Variants in LIN52 observed in about 807,000 individuals in gnomAD.
LIN52 encodes protein lin-52 homolog.
Under a neutral mutation model 18.5 loss-of-function variants are expected in LIN52, and 4 were observed. The ratio of observed to expected loss-of-function variants is 0.22; its 90% CI spans 0.11 to 0.49. The LOEUF is 0.49. LIN52 is among the 20% of genes least tolerant of loss of function. The pLI is 0.97. For missense variants in LIN52, 102 were observed against 139.5 expected (o/e 0.73, Z 1.35); for synonymous variants, 34 against 45.5 (o/e 0.75, Z 1.02).
At chr14:74,194,794 G>GGTGGAAA (rs2078899670) in intron 5 of LIN52, among the ~76,000 whole-genome samples, 1 of 151,972 alleles carries the variant, frequency 6.6e-6, no homozygotes. Context: ...TAGAATGGAA[G>GGTGGAAA]CGGTGTTGCC....
intron 2 of LIN52, among the ~76,000 whole-genome samples, chr14:74,094,132 T>C (rs2060792002): frequency 1.3e-5 from 2 of 152,194 alleles, no homozygotes; most frequent in African/African-American, 4.8e-5. Context: ...TTACTCCACA[T>C]GTGAACAGTT....
Position 74,169,329 on chromosome 14 carries a change from C to T in LIN52, c.284-29593C>T, listed in dbSNP as rs77202977. ...AAAATCCTTTTGTCTCTTTTCTCCTCCCTTTTTCCCAATTCCAAGAAGTAT... is the reference window on the plus strand; with the variant it reads ...AAAATCCTTTTGTCTCTTTTCTCCTTCCTTTTTCCCAATTCCAAGAAGTAT... On this transcript the variant is annotated intron_variant, in intron 5 of 5. Transcript: ENST00000555028. 2.0e-4 allele frequency among the ~76,000 whole-genome samples: 30 copies of T among 152,272 alleles called. No individual in the cohort carries two copies. The East Asian group carries it at 5.0e-3, about 25-fold the overall frequency.
intron 5 of LIN52, among the ~76,000 whole-genome samples, chr14:74,115,254 T>G (rs1286061715): frequency 1.3e-5 from 2 of 152,230 alleles, no homozygotes; most frequent in Non-Finnish European, 1.5e-5. Context: ...ATATCCTTGC[T>G]AATAACAAGT....
intron 5 of LIN52, among the ~76,000 whole-genome samples, chr14:74,166,048 T>C (rs1439590913): frequency 2.1e-5 from 3 of 144,662 alleles, no homozygotes; most frequent in African/African-American, 7.7e-5. Context: ...TGCGCCACCA[T>C]TCCCGGCTAA....
chr14:74,141,238 T>C (rs2061128870), intron 5 of LIN52, among the ~76,000 whole-genome samples: 1 of 152,166 alleles, frequency 6.6e-6, no homozygotes, highest in Non-Finnish European at 1.5e-5. Context: ...CCACGAACAG[T>C]TTCTCCATGG....
At chr14:74,088,237 C>T (rs1385305097) in intron 1 of LIN52, among the ~76,000 whole-genome samples, 5 of 152,140 alleles carry the variant, frequency 3.3e-5, no homozygotes, top group African/African-American at 1.2e-4. Context: ...ATAACAGGCA[C>T]ACGCCACCAC....
At chr14:74,194,141 C>G (rs1471263646) in intron 5 of LIN52, among the ~76,000 whole-genome samples, 2 of 152,108 alleles carry the variant, frequency 1.3e-5, no homozygotes, top group African/African-American at 2.4e-5. Flanking sequence ...GGTGCAGAGC[C>G]CTGGCAGAGA....
At chr14:74,182,914 G>C (rs532193210) in intron 5 of LIN52, among the ~76,000 whole-genome samples, 68 of 152,284 alleles carry the variant, frequency 4.5e-4, no homozygotes, top group African/African-American at 1.6e-3. Flanking sequence ...ATATTTAAGA[G>C]AGAGAAAGCT....
At chr14:74,166,907 C>T (rs72725990) in intron 5 of LIN52, among the ~76,000 whole-genome samples, 15,357 of 152,122 alleles carry the variant, frequency 0.1, 845 homozygotes, top group South Asian at 0.18. Flanking sequence ...GTACATTTAG[C>T]ACTGGGTCTG....
chr14:74,193,430 AAT>A (rs1204077835), intron 5 of LIN52, among the ~76,000 whole-genome samples: 4 of 151,912 alleles, frequency 2.6e-5, no homozygotes, highest in Non-Finnish European at 4.4e-5. Flanking sequence ...AAAAAAAAAA[AAT>A]CCTTCCATAC....
At chr14:74,187,381 A>G (rs1294359212) in intron 5 of LIN52, among the ~76,000 whole-genome samples, 1 of 152,198 alleles carries the variant, frequency 6.6e-6, no homozygotes, top group Admixed American at 6.5e-5. Flanking sequence ...TTTTAACCTG[A>G]CAGAAATACA....
chr14:74,174,227 T>G (rs1309581188), intron 5 of LIN52, among the ~76,000 whole-genome samples: 1 of 152,222 alleles, frequency 6.6e-6, no homozygotes, highest in Non-Finnish European at 1.5e-5. Context: ...GGATATGTTC[T>G]CAGAAATTCA....
chr14:74,149,563 C>T (rs986624210), intron 5 of LIN52, among the ~76,000 whole-genome samples: 5 of 152,040 alleles, frequency 3.3e-5, no homozygotes, highest in African/African-American at 1.2e-4. Flanking sequence ...GAGGGGTTGC[C>T]ATTATAGTAA....
At chr14:74,192,207 A>G (rs972748409) in intron 5 of LIN52, among the ~76,000 whole-genome samples, 3 of 151,656 alleles carry the variant, frequency 2.0e-5, no homozygotes, top group African/African-American at 7.3e-5. Context: ...AGCTAAGGAG[A>G]CTCCACGGCT....
intron 1 of LIN52, among the ~76,000 whole-genome samples, chr14:74,090,516 T>C (rs965588970): frequency 2.6e-5 from 4 of 151,368 alleles, no homozygotes; most frequent in Non-Finnish European, 5.9e-5. Flanking sequence ...TTTGTATTTT[T>C]AGTAGAGACA....
At chr14:74,112,716 A>C (rs1415910938) in intron 5 of LIN52, among the ~76,000 whole-genome samples, 2 of 152,236 alleles carry the variant, frequency 1.3e-5, no homozygotes, top group African/African-American at 4.8e-5. Flanking sequence ...CAAAAGAATG[A>C]AGTGTCCTGT....
intron 5 of LIN52, among the ~76,000 whole-genome samples, chr14:74,151,677 C>T (rs1416617790): frequency 6.6e-6 from 1 of 151,972 alleles, no homozygotes; most frequent in Non-Finnish European, 1.5e-5. Context: ...AATTTGACAT[C>T]GATTATAGTA....
intron 5 of LIN52, among the ~76,000 whole-genome samples, chr14:74,140,599 G>A (rs1171698601): frequency 1.3e-5 from 2 of 152,192 alleles, no homozygotes; most frequent in Admixed American, 6.5e-5. Context: ...CTCTACAGCT[G>A]TCAGAGGGGT....
At chr14:74,122,032 A>G (rs2061003219) in intron 5 of LIN52, among the ~76,000 whole-genome samples, 1 of 152,170 alleles carries the variant, frequency 6.6e-6, no homozygotes, top group Admixed American at 6.5e-5. Context: ...AGGTTGAGGA[A>G]GAAAAGAATT....
Sources: gnomAD v4.1 joint callset for allele counts (sites outside exome capture counted in the v4.1 genomes callset) on GRCh38, gnomAD v4.1.1 for gene constraint, MANE v1.5 for transcripts, NCBI Gene and HGNC (gene_info 2026-07-23, HGNC 2026-07-21) for gene names.